Variants in DCTD observed in about 807,000 individuals in gnomAD.
The protein encoded by DCTD is deoxycytidylate deaminase.
A neutral mutation model predicts 21.0 loss-of-function variants in DCTD; 23 were observed. That is an observed-to-expected ratio of 1.09 (90% CI 0.79 to 1.55). DCTD has a LOEUF of 1.55. DCTD is among the 40% of genes most tolerant of loss of function. DCTD has a pLI of 0.00. For missense variants in DCTD, 224 were observed against 230.0 expected (o/e 0.97, Z 0.17); for synonymous variants, 71 against 81.1 (o/e 0.88, Z 0.67).
At chr4:182,893,744 C>T (rs77371878) in intron 4 of DCTD, among the ~76,000 whole-genome samples, 4,985 of 152,320 alleles carry the variant, frequency 0.033, 266 homozygotes, top group African/African-American at 0.11. Context: ...ACCTGGGCAC[C>T]GCGAGGAGAG....
rs1733712473 is a variant in DCTD, at chr4:182,891,391, G to A, written c.*8C>T. ...TCCCAATCTTCTGGAGATTGAATGA[G>A]ATGTAACTCACTGAAGCTTTTGACT... On this transcript the variant is annotated 3_prime_UTR_variant, in exon 6 of 6. Transcript: ENST00000438320. 6.3e-7 allele frequency: 1 copy of A among 1,583,296 alleles called. No homozygotes were observed. Among genetic ancestry groups the A allele is most frequent in the Non-Finnish European group, 8.7e-7 (1 of 1,152,072 alleles).
chr4:182,908,323 T>A lies in DCTD; in HGVS notation c.244+6600A>T, dbSNP rs115289099. Among the ~76,000 whole-genome samples the A allele has an allele frequency of 3.4e-3, 521 of 152,246 alleles. 1 individual carries two copies. Among genetic ancestry groups the A allele is most frequent in the Non-Finnish European group, 3.5e-3 (235 of 68,024 alleles). ...AGAATCAAGACTATGAGAGTAATCA[T>A]TCTCAGGTAACCACACTGTACAGCA... On this transcript the variant is annotated intron_variant, in intron 3 of 5. Transcript: ENST00000438320.
At chr4:182,906,909 C>CTTGCTGATG (rs1238656827) in intron 3 of DCTD, among the ~76,000 whole-genome samples, 18 of 152,256 alleles carry the variant, frequency 1.2e-4, no homozygotes, top group Admixed American at 4.6e-4. Flanking sequence ...CGCCCATTCC[C>CTTGCTGATG]TTGCATTGCA....
chr4:182,915,403 T>C lies in DCTD; in HGVS notation c.108+58A>G, dbSNP rs1381685546. On this transcript the variant is annotated intron_variant, in intron 2 of 5. Transcript: ENST00000438320. ...CCACTGAGTCTCCCCTTTCTGCTCA[T>C]GTGCAGTAATCTCTTTGCCTGTGAG... The C allele has an allele frequency of 4.4e-6, 5 of 1,142,944 alleles. No homozygotes were observed. In the East Asian group the frequency reaches 7.0e-5, roughly 16 times the overall value. 70.8% of individuals were successfully genotyped at this position (1,142,944 alleles called of 1,614,324 possible).
In DCTD at chr4:182,891,164, T is replaced by G. The variant is rs1733674346; in HGVS notation, c.*235A>C. On this transcript the variant is annotated 3_prime_UTR_variant, in exon 6 of 6. Transcript: ENST00000438320. ...GGGAGGCACTCTCGTTCTAGCCCTG[T>G]GCACCAGGCCACCACAGGCTCCCCT... 1 of 463,490 alleles carries G rather than the reference T, an allele frequency of 2.2e-6. No homozygotes were observed. Among genetic ancestry groups the G allele is most frequent in the Non-Finnish European group, 3.8e-6 (1 of 260,352 alleles). 28.7% of individuals were successfully genotyped at this position (463,490 alleles called of 1,614,324 possible).
At chr4:182,910,255 T>C (rs1023037800) in intron 3 of DCTD, among the ~76,000 whole-genome samples, 1 of 152,224 alleles carries the variant, frequency 6.6e-6, no homozygotes, top group Non-Finnish European at 1.5e-5. Context: ...CCACAAGTGC[T>C]GGGCAGCTGG....
chr4:182,892,976 C>G lies in DCTD; in HGVS notation c.458+55G>C, dbSNP rs529988280. The G allele has an allele frequency of 1.7e-5, 18 of 1,063,660 alleles. No individual in the cohort carries two copies. The African/African-American group carries it at 2.3e-4, about 14-fold the overall frequency. The allele number at this position is 1,063,660 out of a possible 1,614,324, so 65.9% of individuals were successfully genotyped here. A position where few individuals can be genotyped will look rare whatever the true frequency, so the allele number is the denominator to read the frequency against. On this transcript the variant is annotated intron_variant, in intron 5 of 5. Coordinates refer to ENST00000438320, the MANE Select transcript of DCTD (RefSeq NM_001921.3). ...AAGGAGGAGACAAGGTCAAATACATCTCTTCATCAGCCTTCACCCTACCCC... is the reference window on the plus strand; with the variant it reads ...AAGGAGGAGACAAGGTCAAATACATGTCTTCATCAGCCTTCACCCTACCCC...
chr4:182,893,546 C>T (rs944999512), intron 4 of DCTD, among the ~76,000 whole-genome samples: 1 of 152,248 alleles, frequency 6.6e-6, no homozygotes, highest in Non-Finnish European at 1.5e-5. Flanking sequence ...TTGCAGACCA[C>T]TTCAAACCAG....
intron 1 of DCTD, chr4:182,915,835 C>A (rs1236295071): frequency 8.5e-7 from 1 of 1,180,080 alleles, no homozygotes; most frequent in Non-Finnish European, 1.1e-6. Context: ...TTACTGCTTT[C>A]TCATAGGATT....
intron 2 of DCTD, 124 bp downstream of exon 2, chr4:182,915,337 C>A: frequency 1.3e-6 from 1 of 766,976 alleles, no homozygotes. Context: ...AAACGCAGCA[C>A]AAAAGGCAGA....
At position 182,913,293 on chromosome 4, in the gene DCTD, C is replaced by T. The variant is rs539157138; in HGVS notation, c.244+1630G>A. On this transcript the variant is annotated intron_variant, in intron 3 of 5. Coordinates refer to ENST00000438320, the MANE Select transcript of DCTD (RefSeq NM_001921.3). ...ACTCCATCCTCTCTTCCCACTCCGACGAGGGAGGGTGAGGTTAAATCAAGG... is the reference window on the plus strand; with the variant it reads ...ACTCCATCCTCTCTTCCCACTCCGATGAGGGAGGGTGAGGTTAAATCAAGG... Among the ~76,000 whole-genome samples the T allele has an allele frequency of 2.4e-4, 36 of 152,292 alleles. 1 individual carries two copies. The South Asian group carries it at 3.5e-3, about 15-fold the overall frequency.
chr4:182,900,379 C>G lies in DCTD; in HGVS notation c.245-5774G>C, dbSNP rs1735515724. ...TGGCATGCTCAACCTGTACAATAAA[C>G]ATTCCACAGATATTTGACAGCAATA... On this transcript the variant is annotated intron_variant, in intron 3 of 5. Transcript: ENST00000438320. 2.0e-5 allele frequency among the ~76,000 whole-genome samples: 3 copies of G among 151,938 alleles called. No homozygotes were observed. The South Asian group carries it at 6.2e-4, about 32-fold the overall frequency.
At chr4:182,914,407 T>C (rs1244990670) in intron 3 of DCTD, among the ~76,000 whole-genome samples, 1 of 152,228 alleles carries the variant, frequency 6.6e-6, no homozygotes, top group Non-Finnish European at 1.5e-5. Context: ...GATGTCTAGT[T>C]CACAGTTTGA....
chr4:182,892,987 C>T, intron 5 of DCTD, 44 bp downstream of exon 5: 1 of 1,185,932 alleles, frequency 8.4e-7, no homozygotes, highest in Non-Finnish European at 1.3e-6. Context: ...TCTTCATCAG[C>T]CTTCACCCTA....
chr4:182,903,078 C>T (rs554277784), intron 3 of DCTD, among the ~76,000 whole-genome samples: 65 of 152,280 alleles, frequency 4.3e-4, no homozygotes, highest in African/African-American at 1.5e-3. Context: ...AATAACGACA[C>T]CCGCCCCTTC....
intron 3 of DCTD, among the ~76,000 whole-genome samples, chr4:182,902,347 T>C (rs1199373661): frequency 6.6e-6 from 1 of 152,248 alleles, no homozygotes; most frequent in Non-Finnish European, 1.5e-5. Context: ...ATGAAGTTCC[T>C]ATTAGTAAAG....
intron 3 of DCTD, among the ~76,000 whole-genome samples, chr4:182,911,840 G>A (rs1274041845): frequency 3.3e-5 from 5 of 152,168 alleles, no homozygotes; most frequent in African/African-American, 4.8e-5. Flanking sequence ...TTACTGATAC[G>A]AAGTAGTTTT....
intron 1 of DCTD, chr4:182,916,162 C>G (rs1185975105): frequency 5.9e-6 from 1 of 170,828 alleles, no homozygotes; most frequent in African/African-American, 2.4e-5. Flanking sequence ...TTTTCCCTTC[C>G]CTTTCTCCTC....
rs772204302 is a variant in DCTD, at chr4:182,890,853, C to T, written c.*546G>A. On this transcript the variant is annotated 3_prime_UTR_variant, in exon 6 of 6. Coordinates refer to ENST00000438320, the MANE Select transcript of DCTD (RefSeq NM_001921.3). ...AGATGTGCCACCCTATCTCGGATTCCGGGAGGGTGGCTGGGGGTTTCCCTC... is the reference window on the plus strand; with the variant it reads ...AGATGTGCCACCCTATCTCGGATTCTGGGAGGGTGGCTGGGGGTTTCCCTC... 43 of 152,808 alleles carry T rather than the reference C, an allele frequency of 2.8e-4. No individual in the cohort carries two copies. The highest frequency in any genetic ancestry group is 2.5e-4 in the Non-Finnish European group (17 of 68,422). The allele number at this position is 152,808 out of a possible 1,614,324, so 9.5% of individuals were successfully genotyped here. A position where few individuals can be genotyped will look rare whatever the true frequency, so the allele number is the denominator to read the frequency against.
Sources: gnomAD v4.1 joint callset for allele counts (sites outside exome capture counted in the v4.1 genomes callset) on GRCh38, gnomAD v4.1.1 for gene constraint, MANE v1.5 for transcripts, NCBI Gene and HGNC (gene_info 2026-07-23, HGNC 2026-07-21) for gene names.